The following USP20 variants were observed in gnomAD, a reference collection of about 807,000 sequenced individuals.
USP20 encodes ubiquitin carboxyl-terminal hydrolase 20.
In USP20, 80 loss-of-function variants were observed where a neutral mutation model predicts 124.2. The observed-to-expected ratio is 0.64, with a 90% CI of 0.54 to 0.78. USP20 has a LOEUF of 0.78. Among genes scored for constraint, USP20 ranks in the 30% least tolerant of loss-of-function variants. USP20 has a pLI of 0.00. For synonymous variants in USP20, 481 were observed against 512.3 expected, an observed-to-expected ratio of 0.94 and a Z score of 0.83; for missense variants, 1,043 against 1,244.4, an observed-to-expected ratio of 0.84 and a Z score of 2.44.
rs115190684 is a variant in USP20, at chr9:129,853,449, G to A, written c.81+813G>A. Among the ~76,000 whole-genome samples, 475 of 152,340 alleles carry A rather than the reference G, an allele frequency of 3.1e-3. 1 individual carries two copies. The highest frequency in any genetic ancestry group is 0.01 in the African/African-American group (435 of 41,582). ...CCTGGACCCTTTGCAGCCTCTTGCC[G>A]ATACACATGATGCTGCGATGAATGG... is the stretch of plus-strand genomic sequence containing the variant. On this transcript the variant is annotated intron_variant, in intron 3 of 25. Coordinates refer to ENST00000372429, the MANE Select transcript of USP20 (RefSeq NM_001110303.4).
At chr9:129,874,180 A>G (rs2034271400) in intron 17 of USP20, among the ~76,000 whole-genome samples, 1 of 152,086 alleles carries the variant, frequency 6.6e-6, no homozygotes, top group Admixed American at 6.5e-5. Flanking sequence ...TGGAAGGCAC[A>G]GAAGGAACAG....
intron 2 of USP20, among the ~76,000 whole-genome samples, chr9:129,852,146 C>T (rs1046256169): frequency 7.9e-5 from 12 of 152,324 alleles, no homozygotes; most frequent in East Asian, 1.9e-4. Context: ...TATCCTTGGA[C>T]GGACATGGAT....
At chr9:129,851,679 A>G (rs2032926924) in intron 2 of USP20, among the ~76,000 whole-genome samples, 1 of 152,250 alleles carries the variant, frequency 6.6e-6, no homozygotes, top group African/African-American at 2.4e-5. Flanking sequence ...TAAAAGGGAA[A>G]GAAACGCAGG....
intron 2 of USP20, among the ~76,000 whole-genome samples, chr9:129,850,972 ACT>A (rs375131953): frequency 1.3e-5 from 2 of 151,814 alleles, no homozygotes; most frequent in Non-Finnish European, 2.9e-5. Flanking sequence ...TGTTTTTAAG[ACT>A]CATGCAGTCA....
intron 5 of USP20, 95 bp from the exon 6 acceptor site, chr9:129,858,372 C>G: frequency 1.3e-6 from 2 of 1,573,148 alleles, no homozygotes; most frequent in Non-Finnish European, 1.7e-6. Context: ...GACAGGGCCT[C>G]TTACTGAGAG....
chr9:129,853,907 T>C (rs1374166884), intron 3 of USP20, among the ~76,000 whole-genome samples: 1 of 152,176 alleles, frequency 6.6e-6, no homozygotes, highest in Non-Finnish European at 1.5e-5. Flanking sequence ...TGGGGTGCTC[T>C]GGGGCTGTGT....
At position 129,860,929 on chromosome 9, in the gene USP20, T is replaced by C. The variant is rs1588265566; in HGVS notation, c.331-8T>C. On this transcript the variant is annotated splice_polypyrimidine_tract_variant and splice_region_variant and intron_variant, in intron 6 of 25. Coordinates refer to ENST00000372429, the MANE Select transcript of USP20 (RefSeq NM_001110303.4). ...CACTGTTTTCCTCACTTTGGGTCTT[T>C]AACACAGGACTCCCCGCCACCCTCC... 2 of 1,613,862 alleles carry C rather than the reference T, an allele frequency of 1.2e-6. No homozygotes were observed. Among genetic ancestry groups the C allele is most frequent in the African/African-American group, 2.7e-5 (2 of 74,932 alleles).
At chr9:129,864,778 A>G (rs937036425) in intron 9 of USP20, among the ~76,000 whole-genome samples, 1 of 151,580 alleles carries the variant, frequency 6.6e-6, no homozygotes, top group African/African-American at 2.4e-5. Flanking sequence ...TGTCCCAAAA[A>G]AAAAAAAAAA....
At chr9:129,868,524 T>C in intron 11 of USP20, 75 bp downstream of exon 11, 1 of 1,506,754 alleles carries the variant, frequency 6.6e-7, no homozygotes, top group Non-Finnish European at 8.8e-7. Context: ...AGCGCCGACC[T>C]GCAGTAGCCC....
intron 1 of USP20, 80 bp downstream of exon 1, chr9:129,835,579 CA>C (rs1255786996): frequency 5.6e-6 from 1 of 177,870 alleles, no homozygotes; most frequent in African/African-American, 2.4e-5. Flanking sequence ...TCCGGGCTGA[CA>C]GGGCCTGGCT....
Position 129,881,234 on chromosome 9 carries a change from A to G in USP20, c.*784A>G, listed in dbSNP as rs559083828. On this transcript the variant is annotated 3_prime_UTR_variant, in exon 26 of 26. Transcript: ENST00000372429. ...AACAGGGATACCTCACAGCTTGGCC[A>G]TTTGAGGCAAAGGCAGCTTCCCGAG... is the stretch of plus-strand genomic sequence containing the variant. 17 of 152,438 alleles carry G rather than the reference A, an allele frequency of 1.1e-4. No homozygotes were observed. The highest frequency in any genetic ancestry group is 3.8e-4 in the African/African-American group (16 of 41,582). 9.4% of individuals were successfully genotyped at this position (152,438 alleles called of 1,614,324 possible).
At chr9:129,855,292 G>A (rs554735073) in intron 3 of USP20, among the ~76,000 whole-genome samples, 2 of 152,254 alleles carry the variant, frequency 1.3e-5, no homozygotes, top group South Asian at 4.1e-4. Context: ...TTAGCCGGGC[G>A]AGGTGGTGGG....
chr9:129,871,759 C>G (rs559301470), intron 15 of USP20, among the ~76,000 whole-genome samples: 58 of 152,328 alleles, frequency 3.8e-4, no homozygotes, highest in African/African-American at 1.3e-3. Context: ...TCTTGACGCC[C>G]AGGCTGGAGT....
intron 8 of USP20, among the ~76,000 whole-genome samples, chr9:129,862,576 G>A (rs1397202260): frequency 6.4e-5 from 9 of 140,204 alleles, no homozygotes; most frequent in Non-Finnish European, 1.1e-4. Context: ...AAAATTGACC[G>A]CACCCAATCC....
rs2033999659 is a variant in USP20, at chr9:129,869,348, C to G, written c.1315C>G (p.Gln439Glu). 1.2e-6 allele frequency: 2 copies of G among 1,613,576 alleles called. No homozygotes were observed. The highest frequency in any genetic ancestry group is 2.7e-5 in the African/African-American group (2 of 74,948). ...TGCTGGCAGCCGGAGGCGGAAGGAG[C>G]AGCGCTACCGCAGCGTCATCTCAGA... ...LSAGSRRRKE[Q>E]RYRSVISDIF... is the part of the protein sequence containing the mutation. The change falls in exon 13 of 26, where the codon CAG becomes GAG. Residue 439 changes from glutamine to glutamate, a missense_variant. Coordinates refer to ENST00000372429, the MANE Select transcript of USP20 (RefSeq NM_001110303.4).
At chr9:129,873,148 C>A (rs923565090) in intron 15 of USP20, among the ~76,000 whole-genome samples, 6 of 128,310 alleles carry the variant, frequency 4.7e-5, no homozygotes, top group Admixed American at 9.8e-5. Context: ...GTGGCATCAG[C>A]TCACTGCAGC....
Position 129,878,362 on chromosome 9 carries a change from G to A in USP20, c.2434G>A (p.Glu812Lys), listed in dbSNP as rs747301277. The A allele has an allele frequency of 6.6e-5, 106 of 1,602,508 alleles. No individual in the cohort carries two copies. The Middle Eastern group carries it at 6.6e-4, about 10-fold the overall frequency. ...GTTGAACAAGGCCTTCCAGGCCGAG[G>A]AGTCGCCGGGCGTCATCTACTGCAT... ...IKLNKAFQAE[E>K]SPGVIYCISM... Residue 812 changes from glutamate (E) to lysine (K), a missense_variant, in exon 23 of 26, where the codon GAG (glutamate) becomes AAG (lysine). Physicochemically the swap from Glu to Lys is moderately conservative, Grantham distance 56. Transcript: ENST00000372429.
In USP20 at chr9:129,837,818, G is replaced by C. The variant is rs373651134; in HGVS notation, c.-129+2319G>C. On this transcript the variant is annotated intron_variant, in intron 1 of 25. Transcript: ENST00000372429. Reference sequence around the variant, plus strand: ...ATTGAATGATAGGCCTTGGGTTCCAGTCACTGCCTGGTGGTTTTAGGGGTC... The same window carrying C: ...ATTGAATGATAGGCCTTGGGTTCCACTCACTGCCTGGTGGTTTTAGGGGTC... 6.6e-4 allele frequency among the ~76,000 whole-genome samples: 100 copies of C among 152,334 alleles called. 1 individual carries two copies. The highest frequency in any genetic ancestry group is 2.2e-3 in the African/African-American group (90 of 41,574).
At chr9:129,873,849 CTGCAGGGG>C in intron 17 of USP20, 105 bp downstream of exon 17, 1 of 1,382,708 alleles carries the variant, frequency 7.2e-7, no homozygotes, top group East Asian at 2.3e-5. Context: ...CACTTCTGTG[CTGCAGGGG>C]CCGTGGAGAC....
Sources: gnomAD v4.1 joint callset for allele counts (sites outside exome capture counted in the v4.1 genomes callset) on GRCh38, gnomAD v4.1.1 for gene constraint, MANE v1.5 for transcripts, NCBI Gene and HGNC (gene_info 2026-07-23, HGNC 2026-07-21) for gene names.